The following KCNH7 variants were observed in gnomAD, a reference collection of about 807,000 sequenced individuals.
KCNH7 encodes the protein voltage-gated inwardly rectifying potassium channel KCNH7.
In KCNH7, 49 loss-of-function variants were observed where a neutral mutation model predicts 120.8. The ratio of observed to expected loss-of-function variants is 0.41; its 90% CI spans 0.32 to 0.51. The LOEUF is 0.51. Among genes scored for constraint, KCNH7 ranks in the 20% least tolerant of loss-of-function variants. The pLI, the probability that KCNH7 is intolerant of heterozygous loss-of-function variation, is 0.38. For missense variants in KCNH7, 1,097 were observed against 1,446.6 expected (o/e 0.76, Z 3.92); for synonymous variants, 547 against 516.1 (o/e 1.06, Z -0.81).
At chr2:162,806,969 A>C (rs1684559847) in intron 2 of KCNH7, among the ~76,000 whole-genome samples, 1 of 152,116 alleles carries the variant, frequency 6.6e-6, no homozygotes, top group South Asian at 2.1e-4. Context: ...AATCATTAAA[A>C]TAAGGAAATC....
intron 2 of KCNH7, among the ~76,000 whole-genome samples, chr2:162,823,915 A>G (rs1306397231): frequency 2.0e-5 from 3 of 150,302 alleles, no homozygotes; most frequent in Admixed American, 1.3e-4. Context: ...TAATTGCCAT[A>G]TAAGAAGTAC....
rs537266569 is a variant in KCNH7 at position 162,513,947 on chromosome 2, T to C, written c.893-1273A>G. Among the ~76,000 whole-genome samples, 28 of 151,896 alleles carry C rather than the reference T, an allele frequency of 1.8e-4. No individual in the cohort carries two copies. The South Asian group carries it at 5.8e-3, about 32-fold the overall frequency. ...TTTTCAGATTTACTTTGAGATCAGC[T>C]ATCTAAATGTTGCATACTTGCCACT... is the stretch of plus-strand genomic sequence containing the variant. On this transcript the variant is annotated intron_variant, in intron 4 of 15. Transcript: ENST00000332142.
chr2:162,392,005 A>C (rs1686758895), intron 12 of KCNH7, among the ~76,000 whole-genome samples: 1 of 152,026 alleles, frequency 6.6e-6, no homozygotes, highest in South Asian at 2.1e-4. Context: ...CAGCCAGAGG[A>C]ATCAATAATT....
chr2:162,822,137 G>A (rs985314977), intron 2 of KCNH7, among the ~76,000 whole-genome samples: 3 of 127,872 alleles, frequency 2.3e-5, no homozygotes, highest in African/African-American at 9.2e-5. Context: ...TTCAAAAACC[G>A]CTGCTAATTT....
At chr2:162,572,031 A>C (rs998839798) in intron 2 of KCNH7, among the ~76,000 whole-genome samples, 95 of 151,740 alleles carry the variant, frequency 6.3e-4, no homozygotes, top group African/African-American at 2.0e-3. Context: ...GCAACAAAAG[A>C]CAAAATTGAC....
At chr2:162,777,586 C>G (rs1194111079) in intron 2 of KCNH7, among the ~76,000 whole-genome samples, 1 of 152,086 alleles carries the variant, frequency 6.6e-6, no homozygotes, top group Non-Finnish European at 1.5e-5. Flanking sequence ...ATAAGCCAAG[C>G]ACTATGCTAA....
intron 2 of KCNH7, among the ~76,000 whole-genome samples, chr2:162,681,955 C>T (rs1036211121): frequency 5.9e-5 from 9 of 151,548 alleles, no homozygotes; most frequent in Admixed American, 5.3e-4. Flanking sequence ...TTGTCATTTG[C>T]TACTACTACA....
intron 15 of KCNH7, 141 bp from the exon 16 acceptor site, chr2:162,372,236 A>G (rs528400457): frequency 1.5e-6 from 1 of 688,524 alleles, no homozygotes; most frequent in Non-Finnish European, 2.4e-6. Flanking sequence ...TTTCCCTCCT[A>G]AAATGAGTCA....
At chr2:162,729,161 A>ATTTTT (rs1203109189) in intron 2 of KCNH7, among the ~76,000 whole-genome samples, 5 of 137,300 alleles carry the variant, frequency 3.6e-5, no homozygotes, top group East Asian at 2.2e-4. Flanking sequence ...AATATACCCA[A>ATTTTT]ATTTTTTTTT....
rs578136153 is a variant in KCNH7, at chr2:162,726,914, A to G, written c.307+109623T>C. On this transcript the variant is annotated intron_variant, in intron 2 of 15. Transcript: ENST00000332142. ...CTATTTTCCCAAGGAACACTGATTC[A>G]TTCTAATGGGAAGTGGTACATAAGA... Among the ~76,000 whole-genome samples, 29 of 152,312 alleles carry G rather than the reference A, an allele frequency of 1.9e-4. No individual in the cohort carries two copies. The East Asian group carries it at 2.1e-3, about 11-fold the overall frequency.
chr2:162,432,390 C>T (rs1164930946), intron 8 of KCNH7, among the ~76,000 whole-genome samples: 2 of 151,788 alleles, frequency 1.3e-5, no homozygotes. Context: ...TATACAAATG[C>T]TACTAAAATA....
At chr2:162,384,262 G>A (rs369736823) in intron 13 of KCNH7, among the ~76,000 whole-genome samples, 4 of 151,790 alleles carry the variant, frequency 2.6e-5, no homozygotes, top group African/African-American at 9.7e-5. Flanking sequence ...AATTTTGATT[G>A]GCATGTATTA....
At chr2:162,464,988 A>G (rs551644668) in intron 6 of KCNH7, among the ~76,000 whole-genome samples, 2 of 152,234 alleles carry the variant, frequency 1.3e-5, no homozygotes, top group East Asian at 3.9e-4. Context: ...AAAAGCAACT[A>G]TTTTTCTCTA....
At chr2:162,388,040 T>C (rs753640615) in intron 12 of KCNH7, among the ~76,000 whole-genome samples, 1 of 151,808 alleles carries the variant, frequency 6.6e-6, no homozygotes, top group African/African-American at 2.4e-5. Flanking sequence ...CCCAGCCAGA[T>C]GCCTTGAAAA....
intron 2 of KCNH7, among the ~76,000 whole-genome samples, chr2:162,800,115 C>A (rs941252642): frequency 4.6e-5 from 7 of 151,568 alleles, no homozygotes; most frequent in African/African-American, 1.7e-4. Context: ...AGGGGCAGAT[C>A]ATAGGGCATC....
At chr2:162,383,180 A>G (rs2105409415) in intron 13 of KCNH7, among the ~76,000 whole-genome samples, 1 of 152,074 alleles carries the variant, frequency 6.6e-6, no homozygotes, top group Non-Finnish European at 1.5e-5. Context: ...ACTCAAGGGG[A>G]AAACAACAAG....
At chr2:162,787,503 C>T (rs1044323037) in intron 2 of KCNH7, among the ~76,000 whole-genome samples, 1 of 152,038 alleles carries the variant, frequency 6.6e-6, no homozygotes, top group African/African-American at 2.4e-5. Context: ...AGGCTTGAGG[C>T]TGCTACTCAT....
intron 6 of KCNH7, among the ~76,000 whole-genome samples, chr2:162,458,943 G>A (rs1229082686): frequency 6.6e-6 from 1 of 151,348 alleles, no homozygotes; most frequent in Non-Finnish European, 1.5e-5. Context: ...GGAGGTTGAG[G>A]CTGCAGTGAG....
intron 6 of KCNH7, among the ~76,000 whole-genome samples, chr2:162,455,432 C>T (rs570236328): frequency 6.6e-6 from 1 of 152,238 alleles, no homozygotes; most frequent in East Asian, 1.9e-4. Flanking sequence ...GTTTTGGTAT[C>T]AGGATGATTC....
Sources: gnomAD v4.1 joint callset for allele counts (sites outside exome capture counted in the v4.1 genomes callset) on GRCh38, gnomAD v4.1.1 for gene constraint, MANE v1.5 for transcripts, NCBI Gene and HGNC (gene_info 2026-07-23, HGNC 2026-07-21) for gene names.